Variants in EEF1E1 observed in about 807,000 individuals in gnomAD.
EEF1E1 encodes eukaryotic translation elongation factor 1 epsilon 1.
In EEF1E1, 19 loss-of-function variants were observed where a neutral mutation model predicts 19.9. The ratio of observed to expected loss-of-function variants is 0.95; its 90% CI spans 0.66 to 1.40. EEF1E1 has a LOEUF of 1.40. Among genes scored for constraint, EEF1E1 ranks in the 40% most tolerant of loss-of-function variants. The pLI is 0.00. For synonymous variants in EEF1E1, 81 were observed against 80.0 expected (o/e 1.01, Z -0.07); for missense variants, 198 against 202.2 (o/e 0.98, Z 0.13).
chr6:8,101,865 T>G, intron 1 of EEF1E1: 1 of 1,276,488 alleles, frequency 7.8e-7, no homozygotes, highest in Non-Finnish European at 1.0e-6. Flanking sequence ...GGGCCAAGAC[T>G]CCTTAGGTGT....
At chr6:8,086,052 A>G (rs963836676) in intron 3 of EEF1E1, among the ~76,000 whole-genome samples, 1 of 152,140 alleles carries the variant, frequency 6.6e-6, no homozygotes, top group Non-Finnish European at 1.5e-5. Context: ...TTTACATTAA[A>G]TTAAGGATCA....
chr6:8,099,366 C>T (rs569776009), intron 1 of EEF1E1, among the ~76,000 whole-genome samples: 1 of 152,306 alleles, frequency 6.6e-6, no homozygotes, highest in East Asian at 1.9e-4. Flanking sequence ...AGTACAGTAA[C>T]ATGCGGTACA....
At chr6:8,080,104 G>C in intron 3 of EEF1E1, 74 bp from the exon 4 acceptor site, 1 of 1,510,384 alleles carries the variant, frequency 6.6e-7, no homozygotes, top group East Asian at 2.3e-5. Flanking sequence ...CACTTAAGTA[G>C]GAGATAGAAG....
intron 1 of EEF1E1, chr6:8,102,183 A>AAAT: frequency 1.7e-6 from 2 of 1,167,536 alleles, no homozygotes; most frequent in Non-Finnish European, 2.3e-6. Context: ...TCATAATGGG[A>AAAT]TGATGACAAT....
chr6:8,091,890 C>T (rs556348877), intron 2 of EEF1E1, among the ~76,000 whole-genome samples: 29 of 152,326 alleles, frequency 1.9e-4, no homozygotes, highest in Non-Finnish European at 3.1e-4. Context: ...TCACATCTGT[C>T]TTAGTCCACT....
intron 3 of EEF1E1, among the ~76,000 whole-genome samples, chr6:8,080,693 C>T (rs1024051858): frequency 6.6e-6 from 1 of 152,194 alleles, no homozygotes; most frequent in Admixed American, 6.5e-5. Flanking sequence ...AGACTTTTCT[C>T]TAAGATAAAC....
At position 8,079,799 on chromosome 6, in the gene EEF1E1, C is replaced by T; in HGVS notation, c.*91G>A. The T allele has an allele frequency of 7.0e-7, 1 of 1,423,072 alleles. No homozygotes were observed. The highest frequency in any genetic ancestry group is 9.2e-7 in the Non-Finnish European group (1 of 1,081,410). The allele number at this position is 1,423,072 out of a possible 1,614,324, so 88.2% of individuals were successfully genotyped here. ...ATCAACTTCAACAAATAATGAATGA[C>T]TGTATATTAATTTACATTAGTCCTG... On this transcript the variant is annotated 3_prime_UTR_variant, in exon 4 of 4. Coordinates refer to ENST00000379715, the MANE Select transcript of EEF1E1 (RefSeq NM_004280.5).
Position 8,079,725 on chromosome 6 carries a change from TAAAGAAC to T in EEF1E1, c.*158_*164del, listed in dbSNP as rs1469777455. On this transcript the variant is annotated 3_prime_UTR_variant, in exon 4 of 4. Transcript: ENST00000379715. ...GACATAAAAATTGCAAAACTTCAGCTAAAGAACAAATAAAACATTCAGACACAAGTTT... is the reference window on the plus strand; with the variant it reads ...GACATAAAAATTGCAAAACTTCAGCTAAATAAAACATTCAGACACAAGTTT... 4 of 1,279,858 alleles carry T rather than the reference TAAAGAAC, an allele frequency of 3.1e-6. No individual in the cohort carries two copies. Among genetic ancestry groups the T allele is most frequent in the Non-Finnish European group, 4.0e-6 (4 of 1,010,998 alleles). 79.3% of individuals were successfully genotyped at this position (1,279,858 alleles called of 1,614,324 possible).
chr6:8,098,902 C>T (rs541013796), intron 1 of EEF1E1, among the ~76,000 whole-genome samples: 3 of 152,218 alleles, frequency 2.0e-5, no homozygotes, highest in African/African-American at 7.2e-5. Context: ...TATCCACAAC[C>T]CAAGCATGCT....
chr6:8,092,441 G>C (rs1016722285), intron 2 of EEF1E1, among the ~76,000 whole-genome samples: 1 of 152,152 alleles, frequency 6.6e-6, no homozygotes, highest in African/African-American at 2.4e-5. Flanking sequence ...TTAATAAAGA[G>C]TAAACACATT....
At chr6:8,091,816 A>C (rs1758018400) in intron 2 of EEF1E1, among the ~76,000 whole-genome samples, 1 of 152,228 alleles carries the variant, frequency 6.6e-6, no homozygotes, top group African/African-American at 2.4e-5. Context: ...TCCAGTGATG[A>C]ACAGCATTTA....
chr6:8,075,659 ATTGATCAGGGTGGTGG>A (rs1757573780), downstream of EEF1E1, among the ~76,000 whole-genome samples: 1 of 152,112 alleles, frequency 6.6e-6, no homozygotes, highest in Non-Finnish European at 1.5e-5. Context: ...ATGGCTCCTC[ATTGATCAGGGTGGTGG>A]TTGCTGGAGG....
intron 1 of EEF1E1, 52 bp downstream of exon 1, chr6:8,102,383 C>G (rs1182539107): frequency 6.4e-7 from 1 of 1,560,004 alleles, no homozygotes; most frequent in Non-Finnish European, 8.7e-7. Context: ...CAGGGCTCGG[C>G]AGGCCCCGCT....
chr6:8,096,954 C>T (rs1026139918), intron 2 of EEF1E1, among the ~76,000 whole-genome samples: 2 of 152,112 alleles, frequency 1.3e-5, no homozygotes, highest in African/African-American at 4.8e-5. Context: ...CAAAAAAAGT[C>T]ATATAATACT....
intron 2 of EEF1E1, 59 bp downstream of exon 2, chr6:8,097,208 G>A: frequency 1.3e-6 from 2 of 1,524,062 alleles, no homozygotes; most frequent in Non-Finnish European, 1.8e-6. Flanking sequence ...TAATCTCAGG[G>A]GAAAGAGATT....
At chr6:8,101,062 C>T (rs147754410) in intron 1 of EEF1E1, among the ~76,000 whole-genome samples, 1,529 of 148,852 alleles carry the variant, frequency 0.01, 23 homozygotes, top group African/African-American at 0.031. Flanking sequence ...CCGGTCTCTA[C>T]TAAAAATACA....
rs1439527780 is a variant in EEF1E1, at chr6:8,093,955, G to A, written c.288+3312C>T. Among the ~76,000 whole-genome samples the A allele has an allele frequency of 2.6e-5, 4 of 151,946 alleles. No individual in the cohort carries two copies. In the East Asian group the frequency reaches 7.8e-4, roughly 30 times the overall value. ...TGGGACTACAGGTGCGTGCCATCAC[G>A]CCCAGCTAATTTTTCTGTTTTTAGC... On this transcript the variant is annotated intron_variant, in intron 2 of 3. Coordinates refer to ENST00000379715, the MANE Select transcript of EEF1E1 (RefSeq NM_004280.5).
At chr6:8,101,863 A>G in intron 1 of EEF1E1, 1 of 1,279,268 alleles carries the variant, frequency 7.8e-7, no homozygotes, top group South Asian at 1.2e-5. Flanking sequence ...TTGGGCCAAG[A>G]CTCCTTAGGT....
chr6:8,084,526 T>A (rs1217162822), intron 3 of EEF1E1, among the ~76,000 whole-genome samples: 3 of 152,256 alleles, frequency 2.0e-5, no homozygotes, highest in Admixed American at 6.5e-5. Flanking sequence ...TCATCTTTTT[T>A]ATTTTTAATT....
Sources: allele counts gnomAD v4.1 joint callset (sites outside exome capture counted in the v4.1 genomes callset), GRCh38; gene constraint gnomAD v4.1.1; transcripts MANE v1.5; gene names NCBI Gene and HGNC (gene_info 2026-07-23, HGNC 2026-07-21).